Variants in AGXT2 observed in about 807,000 individuals in gnomAD.
The protein encoded by AGXT2 is alanine--glyoxylate aminotransferase 2, mitochondrial.
Under a neutral mutation model 62.5 loss-of-function variants are expected in AGXT2, and 61 were observed. The ratio of observed to expected loss-of-function variants is 0.98; its 90% CI spans 0.79 to 1.21. AGXT2 has a LOEUF of 1.21. AGXT2 is among the 50% of genes most tolerant of loss of function. AGXT2 has a pLI of 0.00. For missense variants in AGXT2, 666 were observed against 641.5 expected, an observed-to-expected ratio of 1.04 and a Z score of -0.41; for synonymous variants, 243 against 218.7, an observed-to-expected ratio of 1.11 and a Z score of -0.98.
chr5:35,033,462 GT>G lies in AGXT2; in HGVS notation c.672del (p.Gln224HisfsTer50). 1 of 1,610,586 alleles carries G rather than the reference GT, an allele frequency of 6.2e-7. No homozygotes were observed. The highest frequency in any genetic ancestry group is 8.5e-7 in the Non-Finnish European group (1 of 1,176,808). On this transcript the variant is annotated frameshift_variant, in exon 6 of 14. Transcript: ENST00000231420. LOFTEE classifies it high-confidence loss of function. Reference protein sequence around the residue: ...KMELPGGTGCQPTMCPDVFRG... With the variant: ...KMELPGGTGCXPTMCPDVFRG... Reference sequence around the variant, plus strand: ...AAGAGAAAAATCTCCAAACTCACTGGTTGGCAACCTGTCCCACCAGGGAGTT... The same window carrying G: ...AAGAGAAAAATCTCCAAACTCACTGGTGGCAACCTGTCCCACCAGGGAGTT...
Position 35,039,335 on chromosome 5 carries a change from G to T in AGXT2, c.351C>A (p.Gly117=). Residue 117 remains glycine (G), a synonymous_variant, in exon 3 of 14, where the codon GGC becomes GGA. Coordinates refer to ENST00000231420, the MANE Select transcript of AGXT2 (RefSeq NM_031900.4). ...FFSGIVTVSV[G]HCHPKVNAVA... The stretch of plus-strand genomic sequence containing the variant: ...TTAAGGATACTCACGGGTGGCAATG[G>T]CCAACACTGACAGTAACAATCCCGG... 6.2e-7 allele frequency: 1 copy of T among 1,613,968 alleles called. No individual in the cohort carries two copies.
chr5:35,002,785 G>GGGA (rs1440791608), intron 13 of AGXT2, among the ~76,000 whole-genome samples: 27 of 152,082 alleles, frequency 1.8e-4, no homozygotes, highest in African/African-American at 6.5e-4. Context: ...CTGGGGGGGG[G>GGGA]GACTAACACG....
chr5:35,012,973 A>G lies in AGXT2; in HGVS notation c.1169T>C (p.Ile390Thr), dbSNP rs534317229. 1.3e-6 allele frequency: 2 copies of G among 1,551,738 alleles called. No individual in the cohort carries two copies. The highest frequency in any genetic ancestry group is 2.0e-5 in the Admixed American group (1 of 51,010). Residue 390 changes from isoleucine (I) to threonine (T), a missense_variant, in exon 11 of 14, where the codon ATT (isoleucine) becomes ACT (threonine). Coordinates refer to ENST00000231420, the MANE Select transcript of AGXT2 (RefSeq NM_031900.4). ...ACCAACCTCAAGCACAGCAGATCCA[A>G]TGGCACAGGCCATGGGGTTCCCTCC... is the stretch of plus-strand genomic sequence containing the variant. ...TFGGNPMACA[I>T]GSAVLEVIKE...
At chr5:35,010,301 C>G in intron 11 of AGXT2, 152 bp from the exon 12 acceptor site, 2 of 1,056,058 alleles carry the variant, frequency 1.9e-6, no homozygotes, top group Middle Eastern at 2.9e-4. Context: ...ACAAAAAGAT[C>G]TGTTGTAAGG....
chr5:35,032,199 G>A (rs1356642002), intron 7 of AGXT2, among the ~76,000 whole-genome samples: 4 of 151,738 alleles, frequency 2.6e-5, no homozygotes, highest in East Asian at 1.9e-4. Flanking sequence ...TGATCTGCCC[G>A]CCTCAACCTC....
chr5:35,029,193 T>C (rs1021393668), intron 7 of AGXT2, among the ~76,000 whole-genome samples: 2 of 152,166 alleles, frequency 1.3e-5, no homozygotes, highest in Non-Finnish European at 2.9e-5. Flanking sequence ...CAAATAAATC[T>C]ATGCCTCTAG....
At chr5:35,021,684 C>T (rs1261109822) in intron 9 of AGXT2, among the ~76,000 whole-genome samples, 18 of 151,906 alleles carry the variant, frequency 1.2e-4, no homozygotes, top group African/African-American at 3.2e-4. Context: ...ATGTCTAAAA[C>T]GCCAAAAGCA....
Position 35,041,495 on chromosome 5 carries a change from C to A in AGXT2, c.89-832G>T, listed in dbSNP as rs80279947. 6.4e-3 allele frequency among the ~76,000 whole-genome samples: 978 copies of A among 152,240 alleles called. 12 individuals are homozygous for A. The highest frequency in any genetic ancestry group is 0.022 in the African/African-American group (923 of 41,528). On this transcript the variant is annotated intron_variant, in intron 1 of 13. Transcript: ENST00000231420. ...TTGCTCATTCCTCAACCATTTCCAC[C>A]CTTCCCTGCCAGCACAGACTTTGGC...
intron 1 of AGXT2, among the ~76,000 whole-genome samples, chr5:35,046,054 A>G (rs1225987211): frequency 6.6e-6 from 1 of 152,130 alleles, no homozygotes; most frequent in Non-Finnish European, 1.5e-5. Flanking sequence ...GGTGTGAGCC[A>G]CCGCACCCGG....
At chr5:35,002,914 G>A (rs1766286482) in intron 13 of AGXT2, among the ~76,000 whole-genome samples, 1 of 152,222 alleles carries the variant, frequency 6.6e-6, no homozygotes, top group African/African-American at 2.4e-5. Context: ...CTGAAGTTGT[G>A]AGAGGCAGGG....
chr5:35,021,203 C>T (rs1383558692), intron 9 of AGXT2, among the ~76,000 whole-genome samples: 1 of 152,180 alleles, frequency 6.6e-6, no homozygotes, highest in Non-Finnish European at 1.5e-5. Flanking sequence ...TGACTTTCTT[C>T]ACAGAATTGA....
chr5:35,010,268 A>G (rs544325994), intron 11 of AGXT2, 119 bp from the exon 12 acceptor site: 1 of 1,275,886 alleles, frequency 7.8e-7, no homozygotes, highest in East Asian at 2.3e-5. Flanking sequence ...ATGCAGAACA[A>G]GTCTAGTGTG....
chr5:35,011,458 TA>T (rs11358241), intron 11 of AGXT2, among the ~76,000 whole-genome samples: 56,271 of 119,552 alleles, frequency 0.47, 12,869 homozygotes, highest in Non-Finnish European at 0.55. Context: ...AGACTCTTTC[TA>T]AAAAAAAAAA....
intron 10 of AGXT2, 87 bp from the exon 11 acceptor site, chr5:35,013,132 G>C (rs1580578140): frequency 1.7e-6 from 2 of 1,200,314 alleles, no homozygotes. Flanking sequence ...CAGTTACTTC[G>C]TGTTGTAAAT....
At chr5:35,012,247 A>G (rs1338877328) in intron 11 of AGXT2, 1 of 151,240 alleles carries the variant, frequency 6.6e-6, no homozygotes, top group Admixed American at 6.6e-5. Context: ...AAATATATAT[A>G]CATATATAAA....
At position 35,003,881 on chromosome 5, in the gene AGXT2, A is replaced by G. The variant is rs373690447; in HGVS notation, c.1339-20T>C. 221 of 1,608,162 alleles carry G rather than the reference A, an allele frequency of 1.4e-4. No homozygotes were observed. The highest frequency in any genetic ancestry group is 1.9e-4 in the Non-Finnish European group (218 of 1,175,004). ...GCTTATCTGTAAATATATTTTTAAA[A>G]TTCTTTCTATTTGGTGTTGGAATGG... is the stretch of plus-strand genomic sequence containing the variant. On this transcript the variant is annotated intron_variant, in intron 12 of 13. Coordinates refer to ENST00000231420, the MANE Select transcript of AGXT2 (RefSeq NM_031900.4).
chr5:35,034,196 A>T (rs1767683213), intron 5 of AGXT2, among the ~76,000 whole-genome samples: 1 of 152,046 alleles, frequency 6.6e-6, no homozygotes, highest in Non-Finnish European at 1.5e-5. Context: ...GGTTTTTGCC[A>T]TTACTTTTAA....
chr5:35,014,617 C>T (rs561571568), intron 9 of AGXT2, among the ~76,000 whole-genome samples: 3 of 152,224 alleles, frequency 2.0e-5, no homozygotes, highest in African/African-American at 7.2e-5. Context: ...CATCAAGAGT[C>T]ATTTCCTAGC....
At chr5:35,015,185 G>A (rs951173545) in intron 9 of AGXT2, among the ~76,000 whole-genome samples, 11 of 152,222 alleles carry the variant, frequency 7.2e-5, no homozygotes, top group African/African-American at 2.6e-4. Flanking sequence ...AGGTACTCTG[G>A]GAAGGCTGCC....
Sources: gnomAD v4.1 joint callset for allele counts (sites outside exome capture counted in the v4.1 genomes callset) on GRCh38, gnomAD v4.1.1 for gene constraint, MANE v1.5 for transcripts, NCBI Gene and HGNC (gene_info 2026-07-23, HGNC 2026-07-21) for gene names.